SOCS6: variants seen among roughly 807,000 people sequenced by gnomAD.
SOCS6 encodes STAT induced STAT inhibitor-4.
In SOCS6, 5 loss-of-function variants were observed where a neutral mutation model predicts 27.7. That is an observed-to-expected ratio of 0.18 (90% CI 0.09 to 0.38). The LOEUF (loss-of-function observed/expected upper bound fraction) is 0.38, where lower values mean the gene tolerates loss of function less well. Ranked by LOEUF, SOCS6 falls within the 10% of genes least tolerant of loss-of-function variation. The pLI, the probability that SOCS6 is intolerant of heterozygous loss-of-function variation, is 1.00. For missense variants in SOCS6, 595 were observed against 688.1 expected, an observed-to-expected ratio of 0.86 and a Z score of 1.51; for synonymous variants, 271 against 260.0, an observed-to-expected ratio of 1.04 and a Z score of -0.41.
intron 1 of SOCS6, among the ~76,000 whole-genome samples, chr18:70,317,323 TTAGTTA>T (rs1456891730): frequency 5.3e-5 from 8 of 152,100 alleles, no homozygotes; most frequent in African/African-American, 1.9e-4. Context: ...CATTCCAGAG[TTAGTTA>T]CTTCACTTAG....
At chr18:70,319,971 T>G in intron 1 of SOCS6, among the ~76,000 whole-genome samples, 1 of 152,092 alleles carries the variant, frequency 6.6e-6, no homozygotes, top group East Asian at 1.9e-4. Context: ...AATGACAGTA[T>G]TATTGCCAGT....
At position 70,324,904 on chromosome 18, in the gene SOCS6, G is replaced by A; in HGVS notation, c.236G>A (p.Arg79Lys). The A allele has an allele frequency of 6.2e-7, 1 of 1,614,186 alleles. No homozygotes were observed. Among genetic ancestry groups the A allele is most frequent in the Non-Finnish European group, 8.5e-7 (1 of 1,180,038 alleles). ...GAGAGCCTGATGGGTACGCTAAAAA[G>A]GCGGCTTTCTGCAAAACAGAAGTCA... ...KSESLMGTLK[R>K]RLSAKQKSKG... Residue 79 changes from arginine (R) to lysine (K), a missense_variant, in exon 2 of 2, where the codon AGG becomes AAG. Transcript: ENST00000397942.
rs1451764065 is a variant in SOCS6 at position 70,329,262 on chromosome 18, C to A, written c.*2986C>A. The A allele has an allele frequency of 6.0e-6, 1 of 166,878 alleles. No individual in the cohort carries two copies. The highest frequency in any genetic ancestry group is 2.4e-5 in the African/African-American group (1 of 41,378). The allele number at this position is 166,878 out of a possible 1,614,324, so 10.3% of individuals were successfully genotyped here. ...TATGTCACAGGAAATGATCATAGAC[C>A]TAAAAATAGTTTTTAAGGAAACCAG... On this transcript the variant is annotated 3_prime_UTR_variant, in exon 2 of 2. Transcript: ENST00000397942.
intron 1 of SOCS6, among the ~76,000 whole-genome samples, chr18:70,300,376 G>A (rs1348194585): frequency 1.3e-5 from 2 of 152,116 alleles, no homozygotes; most frequent in African/African-American, 4.8e-5. Context: ...TGATCTGCCA[G>A]CCTCAGCCTC....
rs146906823 is a variant in SOCS6, at chr18:70,324,831, G to A, written c.163G>A (p.Asp55Asn). The change falls in exon 2 of 2, where the codon GAT becomes AAT. Residue 55 changes from aspartate to asparagine, a missense_variant. Coordinates refer to ENST00000397942, the MANE Select transcript of SOCS6 (RefSeq NM_004232.4). ...SCYGKDMASC[D>N]INGEDEKGGK... ...CTATGGTAAAGATATGGCCAGCTGC[G>A]ATATCAACGGTGAAGATGAAAAAGG... 17 of 1,613,974 alleles carry A rather than the reference G, an allele frequency of 1.1e-5. No individual in the cohort carries two copies. The highest frequency in any genetic ancestry group is 5.3e-5 in the African/African-American group (4 of 74,890).
At position 70,327,013 on chromosome 18, in the gene SOCS6, A is replaced by AT. The variant is rs1471138945; in HGVS notation, c.*740dup. ...AATTGTAAAGAAATGTATACCACCA[A>AT]TTTAGAAATTGTTGCCTTTTCTGTA... On this transcript the variant is annotated 3_prime_UTR_variant, in exon 2 of 2. Coordinates refer to ENST00000397942, the MANE Select transcript of SOCS6 (RefSeq NM_004232.4). The AT allele has an allele frequency of 6.0e-6, 1 of 166,142 alleles. No individual in the cohort carries two copies. Among genetic ancestry groups the AT allele is most frequent in the African/African-American group, 2.4e-5 (1 of 41,472 alleles). The allele number at this position is 166,142 out of a possible 1,614,324, so 10.3% of individuals were successfully genotyped here. A position where few individuals can be genotyped will look rare whatever the true frequency, so the allele number is the denominator to read the frequency against.
intron 1 of SOCS6, among the ~76,000 whole-genome samples, chr18:70,310,194 G>C (rs945591656): frequency 6.6e-6 from 1 of 152,032 alleles, no homozygotes; most frequent in African/African-American, 2.4e-5. Context: ...GCTATTGACA[G>C]TTTAGTCCAG....
At chr18:70,317,072 A>G (rs535360478) in intron 1 of SOCS6, among the ~76,000 whole-genome samples, 116 of 152,266 alleles carry the variant, frequency 7.6e-4, no homozygotes, top group African/African-American at 2.3e-3. Context: ...TTTTATTTCA[A>G]TAAGTTTTTG....
At chr18:70,313,239 C>T (rs1169991334) in intron 1 of SOCS6, among the ~76,000 whole-genome samples, 3 of 151,882 alleles carry the variant, frequency 2.0e-5, no homozygotes, top group South Asian at 2.1e-4. Flanking sequence ...GTGCTTTGCC[C>T]GTTTGCTTAT....
Position 70,324,711 on chromosome 18 carries a change from T to G in SOCS6, c.43T>G (p.Leu15Val). Residue 15 changes from leucine to valine, a missense_variant, in exon 2 of 2, where the codon TTG becomes GTG. Transcript: ENST00000397942. ...TAAAACCTTACGGAAATCTTTTAAC[T>G]TGAATAAAAGTAAAGAAGAAACTGA... is the stretch of plus-strand genomic sequence containing the variant. ...SLKTLRKSFNLNKSKEETDFM... is the reference protein window; with the variant it reads ...SLKTLRKSFNVNKSKEETDFM... 1.2e-6 allele frequency: 2 copies of G among 1,604,640 alleles called. No homozygotes were observed. The highest frequency in any genetic ancestry group is 1.7e-6 in the Non-Finnish European group (2 of 1,174,884).
rs1167642873 is a variant in SOCS6, at chr18:70,328,342, C to T, written c.*2066C>T. 1.2e-5 allele frequency: 2 copies of T among 166,786 alleles called. No individual in the cohort carries two copies. The highest frequency in any genetic ancestry group is 4.8e-5 in the African/African-American group (2 of 41,406). The allele number at this position is 166,786 out of a possible 1,614,324, so 10.3% of individuals were successfully genotyped here. A position where few individuals can be genotyped will look rare whatever the true frequency, so the allele number is the denominator to read the frequency against. On this transcript the variant is annotated 3_prime_UTR_variant, in exon 2 of 2. Coordinates refer to ENST00000397942, the MANE Select transcript of SOCS6 (RefSeq NM_004232.4). ...ATGTTGAAATGGCTTCTCCGTGTCT[C>T]CAGAAGCATTTACATGTCCTCCTTG...
chr18:70,289,787 G>A (rs1444634342), intron 1 of SOCS6, among the ~76,000 whole-genome samples: 1 of 152,164 alleles, frequency 6.6e-6, no homozygotes, highest in Non-Finnish European at 1.5e-5. Context: ...TGTAGGGACC[G>A]GACGATTGTG....
At position 70,326,335 on chromosome 18, in the gene SOCS6, T is replaced by C. The variant is rs1911209057; in HGVS notation, c.*59T>C. On this transcript the variant is annotated 3_prime_UTR_variant, in exon 2 of 2. Transcript: ENST00000397942. ...ATAAGAACAAGAGATTGAAATACAG[T>C]TTACAAACTTTCATTGCCATCAAAA... is the stretch of plus-strand genomic sequence containing the variant. 1 of 1,379,476 alleles carries C rather than the reference T, an allele frequency of 7.2e-7. No individual in the cohort carries two copies. The highest frequency in any genetic ancestry group is 2.2e-5 in the Admixed American group (1 of 45,564). The allele number at this position is 1,379,476 out of a possible 1,614,324, so 85.5% of individuals were successfully genotyped here. A position where few individuals can be genotyped will look rare whatever the true frequency, so the allele number is the denominator to read the frequency against.
intron 1 of SOCS6, among the ~76,000 whole-genome samples, chr18:70,293,166 T>C (rs912540695): frequency 1.3e-5 from 2 of 151,914 alleles, no homozygotes; most frequent in African/African-American, 4.8e-5. Flanking sequence ...ATACAGAAAG[T>C]AGTTGCGGTT....
In SOCS6 at chr18:70,324,523, T is replaced by C. The variant is rs1030541907; in HGVS notation, c.-126-20T>C. 12 of 592,416 alleles carry C rather than the reference T, an allele frequency of 2.0e-5. No homozygotes were observed. The highest frequency in any genetic ancestry group is 2.9e-6 in the Non-Finnish European group (1 of 350,206). The allele number at this position is 592,416 out of a possible 1,614,324, so 36.7% of individuals were successfully genotyped here. A position where few individuals can be genotyped will look rare whatever the true frequency, so the allele number is the denominator to read the frequency against. ...GGAAATATTTTTTAATATGACTCTT[T>C]TTATATTTTTATTTTTTAGAAAATG... On this transcript the variant is annotated intron_variant, in intron 1 of 1. Transcript: ENST00000397942.
Position 70,327,509 on chromosome 18 carries a change from A to G in SOCS6, c.*1233A>G, listed in dbSNP as rs1012823385. 1 of 166,664 alleles carries G rather than the reference A, an allele frequency of 6.0e-6. No homozygotes were observed. Among genetic ancestry groups the G allele is most frequent in the South Asian group, 2.1e-4 (1 of 4,830 alleles). The allele number at this position is 166,664 out of a possible 1,614,324, so 10.3% of individuals were successfully genotyped here. ...AGATAATGTGGAAGTCATATTGTCT[A>G]TCATATATACTGCCATTTAAAAATA... On this transcript the variant is annotated 3_prime_UTR_variant, in exon 2 of 2. Coordinates refer to ENST00000397942, the MANE Select transcript of SOCS6 (RefSeq NM_004232.4).
chr18:70,296,906 C>CT (rs375704179), intron 1 of SOCS6, among the ~76,000 whole-genome samples: 27,522 of 129,020 alleles, frequency 0.21, 3,431 homozygotes, highest in Non-Finnish European at 0.28. Flanking sequence ...CATTTTCTTT[C>CT]TTTTTTTTTT....
chr18:70,293,168 G>T (rs713129), intron 1 of SOCS6, among the ~76,000 whole-genome samples: 2 of 151,982 alleles, frequency 1.3e-5, no homozygotes, highest in African/African-American at 4.8e-5. Context: ...ACAGAAAGTA[G>T]TTGCGGTTTT....
In SOCS6 at chr18:70,325,142, G is replaced by T. The variant is rs1475312527; in HGVS notation, c.474G>T (p.Leu158Phe). ...AGATGGAGGTGAGAGTCAAGGCCTTGGTTCACTCTTCCAGCCCGAGTCCAG... is the reference window on the plus strand; with the variant it reads ...AGATGGAGGTGAGAGTCAAGGCCTTTGTTCACTCTTCCAGCCCGAGTCCAG... ...CIKMEVRVKA[L>F]VHSSSPSPAL... is the part of the protein sequence containing the mutation. Residue 158 changes from leucine to phenylalanine, a missense_variant, in exon 2 of 2, where the codon TTG becomes TTT. Around this residue, in one of 2 missense-constraint regions of SOCS6, gnomAD observed 467 missense variants for 481.1 expected, o/e 0.97. Coordinates refer to ENST00000397942, the MANE Select transcript of SOCS6 (RefSeq NM_004232.4). The surrounding 1 kb of genome is among the most constrained non-coding windows in gnomAD (Gnocchi z 6.3). 1 of 1,614,148 alleles carries T rather than the reference G, an allele frequency of 6.2e-7. No homozygotes were observed. Among genetic ancestry groups the T allele is most frequent in the East Asian group, 2.2e-5 (1 of 44,876 alleles).
Sources: allele counts gnomAD v4.1 joint callset (sites outside exome capture counted in the v4.1 genomes callset), GRCh38; gene constraint gnomAD v4.1.1; regional missense constraint gnomAD v4.1.1; non-coding constraint Gnocchi (gnomAD v3.1); transcripts MANE v1.5; gene names NCBI Gene and HGNC (gene_info 2026-07-23, HGNC 2026-07-21).